ATP12A: variants seen among roughly 807,000 people sequenced by gnomAD.
ATP12A encodes the protein ATPase H+/K+ transporting non-gastric alpha2 subunit.
A neutral mutation model predicts 111.2 loss-of-function variants in ATP12A; 81 were observed. The observed-to-expected ratio is 0.73, with a 90% CI of 0.61 to 0.88. ATP12A has a LOEUF of 0.88. ATP12A is among the 40% of genes least tolerant of loss of function. ATP12A has a pLI of 0.00. For synonymous variants in ATP12A, 498 were observed against 499.8 expected (o/e 1.00, Z 0.05); for missense variants, 1,196 against 1,313.1 (o/e 0.91, Z 1.38).
At chr13:24,711,469 G>A in intron 22 of ATP12A, 25 bp from the exon 23 acceptor site, 1 of 1,614,110 alleles carries the variant, frequency 6.2e-7, no homozygotes, top group Non-Finnish European at 8.5e-7. Flanking sequence ...CTCCATTTCT[G>A]ATGTACTTTT....
At chr13:24,692,163 C>T (rs554059495) in intron 8 of ATP12A, among the ~76,000 whole-genome samples, 3 of 152,078 alleles carry the variant, frequency 2.0e-5, no homozygotes, top group African/African-American at 4.8e-5. Flanking sequence ...GTTTGCTGCC[C>T]GTGGGTCCCT....
Position 24,711,236 on chromosome 13 carries a change from C to T in ATP12A, c.3000-82C>T, listed in dbSNP as rs1010934466. 40 of 1,278,542 alleles carry T rather than the reference C, an allele frequency of 3.1e-5. No individual in the cohort carries two copies. The Admixed American group carries it at 7.1e-4, about 23-fold the overall frequency. 79.2% of individuals were successfully genotyped at this position (1,278,542 alleles called of 1,614,324 possible). A position where few individuals can be genotyped will look rare whatever the true frequency, so the allele number is the denominator to read the frequency against. ...TTTGCAGTAAAGCAAGACAAATGAACGAGAAGCCCCATTCCCATTGGGCAG... is the reference window on the plus strand; with the variant it reads ...TTTGCAGTAAAGCAAGACAAATGAATGAGAAGCCCCATTCCCATTGGGCAG... On this transcript the variant is annotated intron_variant, in intron 21 of 22. Transcript: ENST00000381946.
rs1388344681 is a variant in ATP12A at position 24,700,872 on chromosome 13, C to T, written c.1831C>T (p.Arg611Trp). 2.5e-6 allele frequency: 4 copies of T among 1,614,194 alleles called. No homozygotes were observed. The highest frequency in any genetic ancestry group is 1.1e-5 in the South Asian group (1 of 91,080). ...VGLLSMIDPPRSTVPDAVTKC... is the reference protein window; with the variant it reads ...VGLLSMIDPPWSTVPDAVTKC... The stretch of plus-strand genomic sequence containing the variant: ...ACTCTTGTCAATGATCGATCCCCCT[C>T]GGTCCACCGTGCCAGATGCAGTCAC... The change falls in exon 13 of 23, where the codon CGG becomes TGG. Residue 611 changes from arginine (R) to tryptophan (W), a missense_variant. By Grantham distance (101) the Arg-to-Trp change is moderately radical (BLOSUM62 -3). This residue lies in a region of ATP12A where 1,126 missense variants were observed against 1,228.5 expected (regional missense o/e 0.92). Coordinates refer to ENST00000381946, the MANE Select transcript of ATP12A (RefSeq NM_001676.7).
chr13:24,709,890 C>T, intron 19 of ATP12A, 62 bp downstream of exon 19: 1 of 1,595,942 alleles, frequency 6.3e-7, no homozygotes, highest in Non-Finnish European at 8.6e-7. Flanking sequence ...TTGCCCTGCG[C>T]AGAATTACAT....
At position 24,706,479 on chromosome 13, in the gene ATP12A, T is replaced by C. The variant is rs758179861; in HGVS notation, c.2169+16T>C. 4 of 1,611,804 alleles carry C rather than the reference T, an allele frequency of 2.5e-6. No individual in the cohort carries two copies. Among genetic ancestry groups the C allele is most frequent in the African/African-American group, 2.7e-5 (2 of 75,068 alleles). On this transcript the variant is annotated intron_variant, in intron 15 of 22. Coordinates refer to ENST00000381946, the MANE Select transcript of ATP12A (RefSeq NM_001676.7). ...TCAGAGGCAGGTGGGTGGACAGCAG[T>C]GTCCAGAGGACTGACAGGCCCATCA... is the stretch of plus-strand genomic sequence containing the variant.
At chr13:24,709,007 C>G in intron 17 of ATP12A, among the ~76,000 whole-genome samples, 1 of 151,692 alleles carries the variant, frequency 6.6e-6, no homozygotes, top group Non-Finnish European at 1.5e-5. Flanking sequence ...GGCCCCAGCC[C>G]AGTCCTCCTG....
chr13:24,690,417 A>C lies in ATP12A; in HGVS notation c.626A>C (p.Lys209Thr), dbSNP rs975119978. ...GTGGTGGGGGACATTGTGGAGGTCA[A>C]AGGAGGAGACCAGATCCCTGCAGAC... Reference protein sequence around the residue: ...QLVVGDIVEVKGGDQIPADIR... With the variant: ...QLVVGDIVEVTGGDQIPADIR... The change falls in exon 6 of 23, where the codon AAA becomes ACA. Residue 209 changes from lysine (K) to threonine (T), a missense_variant. Transcript: ENST00000381946. The C allele has an allele frequency of 6.2e-7, 1 of 1,613,230 alleles. No homozygotes were observed. Among genetic ancestry groups the C allele is most frequent in the Non-Finnish European group, 8.5e-7 (1 of 1,179,882 alleles).
At chr13:24,691,637 GA>G (rs5802297) in intron 8 of ATP12A, among the ~76,000 whole-genome samples, 62 of 148,842 alleles carry the variant, frequency 4.2e-4, no homozygotes, top group East Asian at 3.0e-3. Flanking sequence ...CCTCTCTTAC[GA>G]AAAAAAAAAA....
At position 24,700,983 on chromosome 13, in the gene ATP12A, T is replaced by C; in HGVS notation, c.1881+61T>C. On this transcript the variant is annotated intron_variant, in intron 13 of 22. Transcript: ENST00000381946. ...TTTATGTCGTGTTCCTTTCTAATAA[T>C]GGTTTTCATAGCAGATGGTCAGTAT... 3.2e-6 allele frequency: 5 copies of C among 1,564,382 alleles called. No individual in the cohort carries two copies. In the South Asian group the frequency reaches 3.5e-5, roughly 11 times the overall value.
At chr13:24,691,801 G>A (rs1028950347) in intron 8 of ATP12A, among the ~76,000 whole-genome samples, 1 of 152,080 alleles carries the variant, frequency 6.6e-6, no homozygotes, top group Non-Finnish European at 1.5e-5. Flanking sequence ...GAGAGGAGGG[G>A]GTTTATGTTT....
chr13:24,700,489 A>G (rs1875346198), intron 12 of ATP12A, among the ~76,000 whole-genome samples: 1 of 152,164 alleles, frequency 6.6e-6, no homozygotes. Context: ...GAGACTGTGT[A>G]TTGCCCTAGA....
At chr13:24,707,813 G>T (rs752175684) in intron 17 of ATP12A, among the ~76,000 whole-genome samples, 8 of 152,062 alleles carry the variant, frequency 5.3e-5, no homozygotes, top group Admixed American at 4.6e-4. Flanking sequence ...CAAGTAGTTG[G>T]GACTACAGGC....
At chr13:24,682,401 A>ACGTGTGTGTGTGTGTGTGTGTGTG (rs1555253823) in intron 2 of ATP12A, among the ~76,000 whole-genome samples, 23 of 131,244 alleles carry the variant, frequency 1.8e-4, no homozygotes, top group Middle Eastern at 8.8e-3. Flanking sequence ...TGGTGTGTGT[A>ACGTGTGTGTGTGTGTGTGTGTGTG]TGTGTGTGTG....
rs540939605 is a variant in ATP12A, at chr13:24,693,965, T to G, written c.1378-479T>G. 9.2e-5 allele frequency among the ~76,000 whole-genome samples: 14 copies of G among 152,320 alleles called. No individual in the cohort carries two copies. In the South Asian group the frequency reaches 2.9e-3, roughly 32 times the overall value. On this transcript the variant is annotated intron_variant, in intron 10 of 22. Coordinates refer to ENST00000381946, the MANE Select transcript of ATP12A (RefSeq NM_001676.7). ...ATTTCCCTTAATGGTGCTTTTATAG[T>G]CACTTAACTTTGCTCAAAATCTCTC...
chr13:24,688,534 G>A lies in ATP12A; in HGVS notation c.432+12G>A. ...CATCCCTGAACAACGTAAGGCTCTG[G>A]GGTGTCCCCTCCTGGTTTTGCTGGC... On this transcript the variant is annotated intron_variant, in intron 4 of 22. Transcript: ENST00000381946. 1.3e-6 allele frequency: 2 copies of A among 1,519,788 alleles called. No homozygotes were observed. The highest frequency in any genetic ancestry group is 1.8e-6 in the Non-Finnish European group (2 of 1,130,014). 94.1% of individuals were successfully genotyped at this position (1,519,788 alleles called of 1,614,324 possible).
In ATP12A at chr13:24,691,253, G is replaced by A. The variant is rs148078114; in HGVS notation, c.1068+3G>A. The A allele has an allele frequency of 6.3e-5, 102 of 1,609,512 alleles. No individual in the cohort carries two copies. The East Asian group carries it at 2.3e-3, about 36-fold the overall frequency. ...AGGGCCTCCTGGCCACTGTCACTGT[G>A]AGTCCATGCTGTTAGACAGCCTGCA... On this transcript the variant is annotated splice_donor_region_variant and intron_variant, in intron 8 of 22. Coordinates refer to ENST00000381946, the MANE Select transcript of ATP12A (RefSeq NM_001676.7).
At chr13:24,694,331 G>T (rs1172344912) in intron 10 of ATP12A, 113 bp from the exon 11 acceptor site, 3 of 1,350,248 alleles carry the variant, frequency 2.2e-6, no homozygotes, top group Non-Finnish European at 3.1e-6. Context: ...ACGTGATAAT[G>T]TCTCTCCAGC....
chr13:24,691,939 AC>A (rs1381718343), intron 8 of ATP12A, among the ~76,000 whole-genome samples: 23 of 152,172 alleles, frequency 1.5e-4, no homozygotes, highest in African/African-American at 4.8e-4. Flanking sequence ...AGCCAAAAGA[AC>A]CCTTTGAGAT....
chr13:24,691,504 C>T (rs572332625), intron 8 of ATP12A, among the ~76,000 whole-genome samples: 4 of 152,302 alleles, frequency 2.6e-5, no homozygotes, highest in South Asian at 4.1e-4. Context: ...TACTCTGCCC[C>T]ATAAGATCTA....
Sources: allele counts gnomAD v4.1 joint callset (sites outside exome capture counted in the v4.1 genomes callset), GRCh38; gene constraint gnomAD v4.1.1; regional missense constraint gnomAD v4.1.1; transcripts MANE v1.5; gene names NCBI Gene and HGNC (gene_info 2026-07-23, HGNC 2026-07-21).